Variants in BNC2 observed in about 807,000 individuals in gnomAD.
The protein encoded by BNC2 is zinc finger protein basonuclin-2.
A neutral mutation model predicts 76.3 loss-of-function variants in BNC2; 20 were observed. The observed-to-expected ratio is 0.26, with a 90% CI of 0.18 to 0.38. BNC2 has a LOEUF of 0.38. BNC2 is among the 10% of genes least tolerant of loss of function. The pLI is 1.00. For missense variants in BNC2, 1,382 were observed against 1,399.8 expected, an observed-to-expected ratio of 0.99 and a Z score of 0.20; for synonymous variants, 582 against 514.8, an observed-to-expected ratio of 1.13 and a Z score of -1.77.
At chr9:16,469,620 A>C (rs1399287793) in intron 5 of BNC2, among the ~76,000 whole-genome samples, 2 of 152,202 alleles carry the variant, frequency 1.3e-5, no homozygotes, top group East Asian at 3.8e-4. Context: ...CTGAAAAGAC[A>C]CCCGAAAATG....
intron 5 of BNC2, among the ~76,000 whole-genome samples, chr9:16,514,939 A>G (rs1295349362): frequency 6.6e-6 from 1 of 152,184 alleles, no homozygotes; most frequent in East Asian, 1.9e-4. Context: ...AAACCACCAC[A>G]TTGATTACTG....
At chr9:16,673,437 A>C (rs1196694195) in intron 3 of BNC2, among the ~76,000 whole-genome samples, 77 of 143,790 alleles carry the variant, frequency 5.4e-4, no homozygotes, top group African/African-American at 1.8e-3. Flanking sequence ...ATTTAAAAAA[A>C]AAAAAAACAC....
Position 16,495,391 on chromosome 9 carries a change from G to C in BNC2, c.669+57139C>G, listed in dbSNP as rs115392823. On this transcript the variant is annotated intron_variant, in intron 5 of 6. Coordinates refer to ENST00000380672, the MANE Select transcript of BNC2 (RefSeq NM_017637.6). ...AGGATTTGGGGCTCAAAGGCCAAAA[G>C]ACCACTGTGGACTTAAGCAGATCAC... Among the ~76,000 whole-genome samples the C allele has an allele frequency of 3.0e-3, 459 of 152,324 alleles. 2 individuals are homozygous for C. Among genetic ancestry groups the C allele is most frequent in the African/African-American group, 0.011 (442 of 41,566 alleles).
At chr9:16,742,274 A>T (rs1824873467) in intron 1 of BNC2, among the ~76,000 whole-genome samples, 1 of 152,218 alleles carries the variant, frequency 6.6e-6, no homozygotes. Context: ...AAAGATGTGG[A>T]ATAATTTCAC....
At chr9:16,838,119 A>C (rs1818749181) in intron 1 of BNC2, among the ~76,000 whole-genome samples, 1 of 152,224 alleles carries the variant, frequency 6.6e-6, no homozygotes, top group Admixed American at 6.5e-5. Context: ...AGGTCTACTT[A>C]AATAAGGCAT....
chr9:16,537,621 G>A (rs1587143404), intron 5 of BNC2, among the ~76,000 whole-genome samples: 1 of 150,616 alleles, frequency 6.6e-6, no homozygotes, highest in African/African-American at 2.5e-5. Context: ...GTAGGAGAAG[G>A]TAGATGTATC....
At chr9:16,500,992 G>A (rs1360831978) in intron 5 of BNC2, among the ~76,000 whole-genome samples, 1 of 152,150 alleles carries the variant, frequency 6.6e-6, no homozygotes, top group Non-Finnish European at 1.5e-5. Context: ...ATGGACTCCA[G>A]AGCTAGACTG....
chr9:16,522,603 G>A (rs1817653025), intron 5 of BNC2, among the ~76,000 whole-genome samples: 1 of 152,164 alleles, frequency 6.6e-6, no homozygotes, highest in Non-Finnish European at 1.5e-5. Context: ...AACAGTGGGA[G>A]CCAAGAGGCC....
At chr9:16,846,954 T>C (rs1028180327) in intron 1 of BNC2, among the ~76,000 whole-genome samples, 1 of 152,224 alleles carries the variant, frequency 6.6e-6, no homozygotes, top group Non-Finnish European at 1.5e-5. Context: ...CAGATGTGCT[T>C]TGGAAACACC....
At chr9:16,611,958 C>T (rs758256653) in intron 3 of BNC2, among the ~76,000 whole-genome samples, 2 of 151,954 alleles carry the variant, frequency 1.3e-5, no homozygotes, top group African/African-American at 2.4e-5. Flanking sequence ...CTAACTAGAC[C>T]ACCTAACTTC....
intron 3 of BNC2, chr9:16,625,957 T>C (rs1001097917): frequency 2.0e-5 from 3 of 152,166 alleles, no homozygotes; most frequent in African/African-American, 7.2e-5. Flanking sequence ...CACATTCAAA[T>C]ACAGCCAACT....
In BNC2 at chr9:16,437,270, G is replaced by A; in HGVS notation, c.924C>T (p.Ser308=). 1.2e-6 allele frequency: 2 copies of A among 1,614,194 alleles called. No individual in the cohort carries two copies. The highest frequency in any genetic ancestry group is 1.7e-6 in the Non-Finnish European group (2 of 1,180,040). The change falls in exon 6 of 7, where the codon AGC becomes AGT. Residue 308 remains serine (S), a synonymous_variant. Coordinates refer to ENST00000380672, the MANE Select transcript of BNC2 (RefSeq NM_017637.6). ...TTGGGATGTTTTCGAAGTGATGAAT[G>A]CTGGAAGGATTGCTGTTCTCTAAGT... ...LAHLENSNPS[S]IHHFENIPNS... is the part of the protein sequence containing the mutation.
At chr9:16,756,210 A>T (rs1381283710) in intron 1 of BNC2, among the ~76,000 whole-genome samples, 1 of 152,176 alleles carries the variant, frequency 6.6e-6, no homozygotes, top group Non-Finnish European at 1.5e-5. Flanking sequence ...CATACCTGCA[A>T]AATCTTTTTA....
At chr9:16,620,905 G>GGTA (rs1454620862) in intron 3 of BNC2, among the ~76,000 whole-genome samples, 1 of 152,100 alleles carries the variant, frequency 6.6e-6, no homozygotes, top group African/African-American at 2.4e-5. Flanking sequence ...CACACACAGA[G>GGTA]GTAACACCAC....
At chr9:16,563,798 T>C (rs977115798) in intron 4 of BNC2, among the ~76,000 whole-genome samples, 1 of 152,202 alleles carries the variant, frequency 6.6e-6, no homozygotes, top group Admixed American at 6.5e-5. Context: ...ATACATGAAC[T>C]AATCTGAGAA....
chr9:16,829,503 C>T (rs1818531926), intron 1 of BNC2, among the ~76,000 whole-genome samples: 1 of 152,122 alleles, frequency 6.6e-6, no homozygotes, highest in African/African-American at 2.4e-5. Flanking sequence ...TAACCCAAAA[C>T]ATTTTTTAAA....
At chr9:16,659,368 G>C (rs991504770) in intron 3 of BNC2, among the ~76,000 whole-genome samples, 1 of 152,028 alleles carries the variant, frequency 6.6e-6, no homozygotes, top group African/African-American at 2.4e-5. Context: ...ACAGCACTTT[G>C]GGGGGCCGAG....
chr9:16,658,610 T>G (rs533724855), intron 3 of BNC2, among the ~76,000 whole-genome samples: 1 of 152,320 alleles, frequency 6.6e-6, no homozygotes, highest in African/African-American at 2.4e-5. Flanking sequence ...AACAATTCTC[T>G]TATCCTTCCA....
At chr9:16,805,056 C>T (rs7037959) in intron 1 of BNC2, among the ~76,000 whole-genome samples, 3,068 of 151,464 alleles carry the variant, frequency 0.02, 96 homozygotes, top group East Asian at 0.13. Flanking sequence ...ACTGAGATTC[C>T]GTCTCAAAAG....
Sources: gnomAD v4.1 joint callset for allele counts (sites outside exome capture counted in the v4.1 genomes callset) on GRCh38, gnomAD v4.1.1 for gene constraint, MANE v1.5 for transcripts, NCBI Gene and HGNC (gene_info 2026-07-23, HGNC 2026-07-21) for gene names.